The following ADAMTS8 variants were observed in gnomAD, a reference collection of about 807,000 sequenced individuals.
ADAMTS8 encodes ADAM metallopeptidase with thrombospondin type 1 motif 8.
In ADAMTS8, 50 loss-of-function variants were observed where a neutral mutation model predicts 64.4. That is an observed-to-expected ratio of 0.78 (90% CI 0.62 to 0.98). The LOEUF (loss-of-function observed/expected upper bound fraction) is 0.98. ADAMTS8 is among the 50% of genes least tolerant of loss of function. The probability of loss-of-function intolerance (pLI) is 0.00; values close to 1 mark genes in which losing one functional copy is unlikely to be tolerated. For synonymous variants in ADAMTS8, 556 were observed against 533.6 expected, an observed-to-expected ratio of 1.04 and a Z score of -0.58; for missense variants, 1,192 against 1,208.2, an observed-to-expected ratio of 0.99 and a Z score of 0.20.
At chr11:130,427,543 G>A (rs1348150311) in intron 1 of ADAMTS8, 24 bp downstream of exon 1, 1 of 1,531,932 alleles carries the variant, frequency 6.5e-7, no homozygotes, top group Non-Finnish European at 8.7e-7. Flanking sequence ...GGGCACGGCG[G>A]CTGGAGGAGG....
intron 2 of ADAMTS8, 94 bp downstream of exon 2, chr11:130,418,959 C>T (rs1364423010): frequency 2.0e-5 from 31 of 1,571,112 alleles, no homozygotes; most frequent in Middle Eastern, 2.2e-4. Flanking sequence ...AGCAGGGAGA[C>T]GTTTCCCATG....
rs1255445380 is a variant in ADAMTS8, at chr11:130,408,872, G to C, written c.1819C>G (p.Leu607Val). The change falls in exon 7 of 9, where the codon CTC (leucine) becomes GTC (valine). Residue 607 changes from leucine (L) to valine (V), a missense_variant. Leu to Val is a conservative substitution (Grantham distance 32). Coordinates refer to ENST00000257359, the MANE Select transcript of ADAMTS8 (RefSeq NM_007037.6). ...AYNYTDMDGN[L>V]LQWVPKYAGV... Reference sequence around the variant, plus strand: ...GCATACTTGGGGACCCACTGCAGGAGATTCCCGTCCATGTCAGTGTAATTG... The same window carrying C: ...GCATACTTGGGGACCCACTGCAGGACATTCCCGTCCATGTCAGTGTAATTG... 3.1e-6 allele frequency: 5 copies of C among 1,611,196 alleles called. No homozygotes were observed. Among genetic ancestry groups the C allele is most frequent in the Non-Finnish European group, 4.2e-6 (5 of 1,178,892 alleles).
At position 130,428,222 on chromosome 11, in the gene ADAMTS8, G is replaced by GGCA. The variant is rs10548872; in HGVS notation, c.62_64dup (p.Leu21dup). The stretch of plus-strand genomic sequence containing the variant: ...CCGGGCCGGGGCGCCGCGGGCCAGC[G>GGCA]GCAGCAGCAGCAGCAGCAGCAGCAG... On this transcript the variant is annotated inframe_insertion, in exon 1 of 9. Coordinates refer to ENST00000257359, the MANE Select transcript of ADAMTS8 (RefSeq NM_007037.6). 125,680 of 1,199,510 alleles carry GGCA rather than the reference G, an allele frequency of 0.1. 5,059 individuals carry two copies. The highest frequency in any genetic ancestry group is 0.14 in the Middle Eastern group (426 of 3,090). 74.3% of individuals were successfully genotyped at this position (1,199,510 alleles called of 1,614,324 possible).
rs1238845067 is a variant in ADAMTS8 at position 130,416,271 on chromosome 11, T to G, written c.1156A>C (p.Met386Leu). 3 of 1,579,866 alleles carry G rather than the reference T, an allele frequency of 1.9e-6. No homozygotes were observed. In the East Asian group the frequency reaches 6.9e-5, roughly 37 times the overall value. The change falls in exon 4 of 9, where the codon ATG becomes CTG. Residue 386 changes from methionine to leucine, a missense_variant. This residue lies in a region of ADAMTS8 where 741 missense variants were observed against 710.6 expected (regional missense o/e 1.04). Coordinates refer to ENST00000257359, the MANE Select transcript of ADAMTS8 (RefSeq NM_007037.6). This position sits in a 1 kb window ranked among gnomAD's most constrained non-coding sequence, Gnocchi z 4.8. ...GGTGCCATCACGTGGTGCTTGCCCA[T>G]GGGCCCGAAGAGCCGTGTGCAGGGC... Reference protein sequence around the residue: ...SKPCTRLFGPMGKHHVMAPLF... With the variant: ...SKPCTRLFGPLGKHHVMAPLF...
At chr11:130,424,302 C>T (rs1047205692) in intron 1 of ADAMTS8, among the ~76,000 whole-genome samples, 1 of 152,224 alleles carries the variant, frequency 6.6e-6, no homozygotes, top group African/African-American at 2.4e-5. Flanking sequence ...GAGGAAGCCA[C>T]ATGTCCTCTG....
In ADAMTS8 at chr11:130,408,548, G is replaced by A. The variant is rs200906782; in HGVS notation, c.2015C>T (p.Ser672Leu). The A allele has an allele frequency of 2.7e-5, 44 of 1,613,990 alleles. No homozygotes were observed. The highest frequency in any genetic ancestry group is 5.0e-5 in the Admixed American group (3 of 59,996). The stretch of plus-strand genomic sequence containing the variant: ...CCCGCATTTGTCCAGCTTCCGAGGC[G>A]AGTCCACCACATGGTCACAGCCGGC... ...VKAGCDHVVD[S>L]PRKLDKCGVC... The change falls in exon 8 of 9, where the codon TCG (serine) becomes TTG (leucine). Residue 672 changes from serine (S) to leucine (L), a missense_variant. This residue lies in a region of ADAMTS8 where 290 missense variants were observed against 297.8 expected (regional missense o/e 0.97). Transcript: ENST00000257359.
At position 130,414,840 on chromosome 11, in the gene ADAMTS8, A is replaced by G; in HGVS notation, c.1265-8T>C. 1 of 1,599,788 alleles carries G rather than the reference A, an allele frequency of 6.3e-7. No individual in the cohort carries two copies. The highest frequency in any genetic ancestry group is 8.5e-7 in the Non-Finnish European group (1 of 1,171,974). The stretch of plus-strand genomic sequence containing the variant: ...CATCCAGGAGACAGTCTCCTGGGAA[A>G]AGAGGAAGCAGGGGTGTAAGAACAT... On this transcript the variant is annotated splice_region_variant and splice_polypyrimidine_tract_variant and intron_variant, in intron 4 of 8. Transcript: ENST00000257359.
intron 2 of ADAMTS8, 56 bp from the exon 3 acceptor site, chr11:130,417,131 C>T: frequency 6.2e-7 from 1 of 1,601,958 alleles, no homozygotes. Context: ...GGGTGCGCTG[C>T]AGGCCTGCAG....
intron 1 of ADAMTS8, among the ~76,000 whole-genome samples, chr11:130,425,232 G>A (rs1862148623): frequency 6.6e-6 from 1 of 152,146 alleles, no homozygotes; most frequent in Non-Finnish European, 1.5e-5. Context: ...TAAGCTGAAG[G>A]GAACAAAATC....
chr11:130,409,522 A>G (rs1861927451), intron 6 of ADAMTS8, among the ~76,000 whole-genome samples: 1 of 152,166 alleles, frequency 6.6e-6, no homozygotes, highest in Admixed American at 6.5e-5. Flanking sequence ...TGATCTTACC[A>G]TGCCCAAGTC....
chr11:130,410,767 T>C (rs1481363166), intron 6 of ADAMTS8, among the ~76,000 whole-genome samples: 4 of 152,162 alleles, frequency 2.6e-5, no homozygotes, highest in African/African-American at 9.7e-5. Flanking sequence ...TCTAAGTTAA[T>C]GTTCATGGTT....
rs927806741 is a variant in ADAMTS8 at position 130,416,049 on chromosome 11, C to G, written c.1264+114G>C. On this transcript the variant is annotated intron_variant, in intron 4 of 8. Coordinates refer to ENST00000257359, the MANE Select transcript of ADAMTS8 (RefSeq NM_007037.6). This position sits in a 1 kb window ranked among gnomAD's most constrained non-coding sequence, Gnocchi z 4.8. Reference sequence around the variant, plus strand: ...GAATGCCCCAGCGTGGGAGGCTGGCCGGGGACTCAGCTCTAAGGGCCCTGT... The same window carrying G: ...GAATGCCCCAGCGTGGGAGGCTGGCGGGGGACTCAGCTCTAAGGGCCCTGT... 2.4e-6 allele frequency: 3 copies of G among 1,274,964 alleles called. No individual in the cohort carries two copies. Among genetic ancestry groups the G allele is most frequent in the Non-Finnish European group, 3.1e-6 (3 of 955,860 alleles). The allele number at this position is 1,274,964 out of a possible 1,614,324, so 79.0% of individuals were successfully genotyped here. A position where few individuals can be genotyped will look rare whatever the true frequency, so the allele number is the denominator to read the frequency against.
Position 130,428,341 on chromosome 11 carries a change from G to T in ADAMTS8, c.-55C>A. The T allele has an allele frequency of 7.9e-7, 1 of 1,261,154 alleles. No homozygotes were observed. The highest frequency in any genetic ancestry group is 1.0e-6 in the Non-Finnish European group (1 of 991,812). The allele number at this position is 1,261,154 out of a possible 1,614,324, so 78.1% of individuals were successfully genotyped here. On this transcript the variant is annotated 5_prime_UTR_variant, in exon 1 of 9. Transcript: ENST00000257359. ...GAGGGAAGAAGCCCGCCAGGCGCGG[G>T]CAGGTGCTGGCGGCCCGAGCGCGGC...
rs752437373 is a variant in ADAMTS8 at position 130,427,734 on chromosome 11, C to T, written c.553G>A (p.Asp185Asn). 1.2e-5 allele frequency: 19 copies of T among 1,595,998 alleles called. No individual in the cohort carries two copies. In the Middle Eastern group the frequency reaches 5.0e-4, roughly 42 times the overall value. ...TCTTCTTGGCTCTCCTCCTCGCTGT[C>T]CTCCTGGTGGTCTCCTCTCTCCTGC... ...QRQERGDHQE[D>N]SEEESQEEEA... is the part of the protein sequence containing the mutation. The change falls in exon 1 of 9, where the codon GAC (aspartate) becomes AAC (asparagine). Residue 185 changes from aspartate (D) to asparagine (N), a missense_variant. Asp to Asn is a conservative substitution (Grantham distance 23, BLOSUM62 1). Coordinates refer to ENST00000257359, the MANE Select transcript of ADAMTS8 (RefSeq NM_007037.6).
chr11:130,423,867 C>T (rs990281471), intron 1 of ADAMTS8, among the ~76,000 whole-genome samples: 24 of 152,176 alleles, frequency 1.6e-4, no homozygotes, highest in Non-Finnish European at 3.2e-4. Context: ...CCAGGTGGTC[C>T]CTCCTTTCAG....
chr11:130,424,702 G>A (rs1432120805), intron 1 of ADAMTS8, among the ~76,000 whole-genome samples: 9 of 152,204 alleles, frequency 5.9e-5, no homozygotes. Flanking sequence ...TCTCTCAGCT[G>A]GGCTCATGGA....
chr11:130,407,637 C>T (rs1861900786), intron 8 of ADAMTS8, among the ~76,000 whole-genome samples: 1 of 152,158 alleles, frequency 6.6e-6, no homozygotes, highest in Non-Finnish European at 1.5e-5. Context: ...CATTGATGTA[C>T]TGGAGGCAGA....
At chr11:130,426,803 CT>C (rs1014260236) in intron 1 of ADAMTS8, among the ~76,000 whole-genome samples, 15 of 152,240 alleles carry the variant, frequency 9.9e-5, no homozygotes, top group African/African-American at 3.6e-4. Flanking sequence ...TCTGGCTTTA[CT>C]AGAGACATTC....
chr11:130,410,448 C>G (rs1433648205), intron 6 of ADAMTS8, among the ~76,000 whole-genome samples: 3 of 152,222 alleles, frequency 2.0e-5, no homozygotes, highest in African/African-American at 7.2e-5. Flanking sequence ...TCATCCTCCC[C>G]CTTTCCCAGC....
Sources: gnomAD v4.1 joint callset for allele counts (sites outside exome capture counted in the v4.1 genomes callset) on GRCh38, gnomAD v4.1.1 for gene constraint, gnomAD v4.1.1 regional missense constraint, Gnocchi (gnomAD v3.1) non-coding constraint, MANE v1.5 for transcripts, NCBI Gene and HGNC (gene_info 2026-07-23, HGNC 2026-07-21) for gene names.